The following CNTN5 variants were observed in gnomAD, a reference collection of about 807,000 sequenced individuals.
The protein encoded by CNTN5 is contactin 5.
CNTN5 carries 77 observed loss-of-function variants against 129.1 expected under a neutral mutation model. The ratio of observed to expected loss-of-function variants is 0.60; its 90% CI spans 0.50 to 0.72. The LOEUF (loss-of-function observed/expected upper bound fraction) is 0.72. Among genes scored for constraint, CNTN5 ranks in the 30% least tolerant of loss-of-function variants. The probability of loss-of-function intolerance (pLI) is 0.00; values close to 1 mark genes in which losing one functional copy is unlikely to be tolerated. For missense variants in CNTN5, 1,478 were observed against 1,328.8 expected (o/e 1.11, Z -1.75); for synonymous variants, 509 against 465.6 (o/e 1.09, Z -1.20).
chr11:100,336,381 G>A (rs1414863043), intron 21 of CNTN5, among the ~76,000 whole-genome samples: 1 of 152,156 alleles, frequency 6.6e-6, no homozygotes, highest in Non-Finnish European at 1.5e-5. Flanking sequence ...TAAATAATAT[G>A]TGGTACATAG....
At chr11:99,679,282 C>T (rs1565419235) in intron 3 of CNTN5, among the ~76,000 whole-genome samples, 1 of 150,894 alleles carries the variant, frequency 6.6e-6, no homozygotes, top group East Asian at 1.9e-4. Flanking sequence ...AGAGACAAGC[C>T]TCATTTTATC....
intron 2 of CNTN5, among the ~76,000 whole-genome samples, chr11:99,446,828 T>G (rs1187314069): frequency 6.6e-6 from 1 of 152,212 alleles, no homozygotes; most frequent in African/African-American, 2.4e-5. Context: ...CTCATAAGGT[T>G]GAATGGACTT....
chr11:99,914,440 C>T (rs1042946178), intron 6 of CNTN5, among the ~76,000 whole-genome samples: 6 of 151,988 alleles, frequency 3.9e-5, no homozygotes, highest in African/African-American at 1.4e-4. Context: ...TTGTTACAGA[C>T]AATCATGTGT....
intron 3 of CNTN5, among the ~76,000 whole-genome samples, chr11:99,800,831 T>C (rs1012407342): frequency 1.3e-5 from 2 of 152,320 alleles, no homozygotes; most frequent in Non-Finnish European, 2.9e-5. Flanking sequence ...GGGATGGTTC[T>C]TTTGAAGACA....
chr11:100,235,396 C>T (rs78407192), intron 16 of CNTN5, among the ~76,000 whole-genome samples: 3 of 152,166 alleles, frequency 2.0e-5, no homozygotes, highest in African/African-American at 7.2e-5. Context: ...CTCTGCATAG[C>T]TTCAGGGAGA....
chr11:99,527,695 G>A (rs1947540050), intron 2 of CNTN5, among the ~76,000 whole-genome samples: 2 of 152,200 alleles, frequency 1.3e-5, no homozygotes, highest in African/African-American at 4.8e-5. Flanking sequence ...GTGAAGTGAG[G>A]TTCAGCAGAA....
chr11:99,840,871 G>T (rs1471880204), intron 4 of CNTN5, among the ~76,000 whole-genome samples: 1 of 152,136 alleles, frequency 6.6e-6, no homozygotes, highest in East Asian at 1.9e-4. Context: ...TTAAACAGTG[G>T]ATCATTATGA....
chr11:100,063,510 G>T (rs1276226407), intron 10 of CNTN5, among the ~76,000 whole-genome samples: 1 of 151,944 alleles, frequency 6.6e-6, no homozygotes, highest in East Asian at 1.9e-4. Flanking sequence ...CATGTTTAGG[G>T]TAGCTTTCTA....
intron 6 of CNTN5, among the ~76,000 whole-genome samples, chr11:99,903,923 C>T (rs376124209): frequency 2.0e-5 from 3 of 152,118 alleles, no homozygotes; most frequent in Non-Finnish European, 2.9e-5. Context: ...TATTCAACAT[C>T]ATAATCATCA....
At chr11:100,212,014 T>C (rs1165278687) in intron 15 of CNTN5, among the ~76,000 whole-genome samples, 1 of 152,118 alleles carries the variant, frequency 6.6e-6, no homozygotes, top group Non-Finnish European at 1.5e-5. Context: ...TACTTTTATC[T>C]CCCCATAATG....
At chr11:99,909,881 C>T (rs983502684) in intron 6 of CNTN5, among the ~76,000 whole-genome samples, 27 of 152,078 alleles carry the variant, frequency 1.8e-4, no homozygotes, top group African/African-American at 6.3e-4. Context: ...TTACTGGGTG[C>T]AGCACACCAA....
intron 1 of CNTN5, among the ~76,000 whole-genome samples, chr11:99,272,448 T>C (rs1411630688): frequency 6.6e-6 from 1 of 151,830 alleles, no homozygotes. Flanking sequence ...AGGGTCTTGC[T>C]GTGTTACTCA....
chr11:99,668,451 G>A (rs1460894240), intron 3 of CNTN5, among the ~76,000 whole-genome samples: 3 of 152,022 alleles, frequency 2.0e-5, no homozygotes, highest in Non-Finnish European at 4.4e-5. Flanking sequence ...CCATGGGAAC[G>A]GTAATCTTTG....
chr11:99,243,239 A>G (rs771697160), intron 1 of CNTN5, among the ~76,000 whole-genome samples: 3 of 152,058 alleles, frequency 2.0e-5, no homozygotes, highest in Admixed American at 6.6e-5. Flanking sequence ...GTGATATGGA[A>G]CATTTTTTCT....
chr11:99,483,725 G>GA lies in CNTN5; in HGVS notation c.-70-72412dup, dbSNP rs201720261. 9.6e-3 allele frequency among the ~76,000 whole-genome samples: 1,455 copies of GA among 151,540 alleles called. 23 individuals carry two copies. The highest frequency in any genetic ancestry group is 0.032 in the African/African-American group (1,313 of 41,304). On this transcript the variant is annotated intron_variant, in intron 2 of 24. Transcript: ENST00000524871. ...TCTAATGACATTTTCCACAGAAATAGAAAAAAAAGAAGCTAAAATTAGTAT... is the reference window on the plus strand; with the variant it reads ...TCTAATGACATTTTCCACAGAAATAGAAAAAAAAAGAAGCTAAAATTAGTAT...
chr11:99,363,284 T>C (rs1282321321), intron 2 of CNTN5, among the ~76,000 whole-genome samples: 1 of 152,148 alleles, frequency 6.6e-6, no homozygotes, highest in Non-Finnish European at 1.5e-5. Flanking sequence ...CTAGCTCTTT[T>C]ACAAGTCTTT....
At chr11:100,287,943 G>A (rs950803628) in intron 18 of CNTN5, among the ~76,000 whole-genome samples, 3 of 152,040 alleles carry the variant, frequency 2.0e-5, no homozygotes, top group Admixed American at 6.6e-5. Flanking sequence ...ACAAAAAAAG[G>A]CAGGGGTTGC....
chr11:100,233,306 A>G (rs1378412069), intron 16 of CNTN5, among the ~76,000 whole-genome samples: 1 of 151,602 alleles, frequency 6.6e-6, no homozygotes, highest in South Asian at 2.1e-4. Flanking sequence ...GAAGAAAGAA[A>G]GGAGTACTGT....
chr11:99,369,454 G>C lies in CNTN5; in HGVS notation c.-71+43970G>C, dbSNP rs1939696716. Among the ~76,000 whole-genome samples the C allele has an allele frequency of 2.0e-5, 3 of 151,118 alleles. No homozygotes were observed. In the Admixed American group the frequency reaches 2.0e-4, roughly 10 times the overall value. On this transcript the variant is annotated intron_variant, in intron 2 of 24. Transcript: ENST00000524871. ...TTATACCAGTTTTCCAACAGTAATTGGGAATATTAATTGCTTGTCCATAGA... is the reference window on the plus strand; with the variant it reads ...TTATACCAGTTTTCCAACAGTAATTCGGAATATTAATTGCTTGTCCATAGA...
Sources: gnomAD v4.1 joint callset for allele counts (sites outside exome capture counted in the v4.1 genomes callset) on GRCh38, gnomAD v4.1.1 for gene constraint, MANE v1.5 for transcripts, NCBI Gene and HGNC (gene_info 2026-07-23, HGNC 2026-07-21) for gene names.